MLIP: variants seen among roughly 807,000 people sequenced by gnomAD.
The protein encoded by MLIP is muscular LMNA-interacting protein.
A neutral mutation model predicts 84.8 loss-of-function variants in MLIP; 79 were observed. The ratio of observed to expected loss-of-function variants is 0.93; its 90% CI spans 0.78 to 1.12. The LOEUF (loss-of-function observed/expected upper bound fraction) is 1.12. MLIP is among the 50% of genes most tolerant of loss of function. The pLI, the probability that MLIP is intolerant of heterozygous loss-of-function variation, is 0.00. For missense variants in MLIP, 1,257 were observed against 1,160.6 expected, an observed-to-expected ratio of 1.08 and a Z score of -1.21; for synonymous variants, 504 against 463.0, an observed-to-expected ratio of 1.09 and a Z score of -1.14.
intron 3 of MLIP, among the ~76,000 whole-genome samples, chr6:54,128,057 A>G (rs1369068871): frequency 1.3e-5 from 2 of 152,188 alleles, no homozygotes; most frequent in African/African-American, 4.8e-5. Context: ...AATTAGCTGA[A>G]CTTGTTCATT....
At chr6:54,242,694 A>T (rs185434315) in intron 12 of MLIP, among the ~76,000 whole-genome samples, 4 of 152,300 alleles carry the variant, frequency 2.6e-5, no homozygotes, top group Admixed American at 2.6e-4. Context: ...TATGCTGTAA[A>T]TATTTAAATC....
intron 3 of MLIP, among the ~76,000 whole-genome samples, chr6:54,134,204 G>A (rs1336672385): frequency 6.6e-6 from 1 of 152,112 alleles, no homozygotes; most frequent in Non-Finnish European, 1.5e-5. Context: ...GCTACTGACT[G>A]AGAATTTGAC....
chr6:54,176,564 C>A (rs1776306875), intron 9 of MLIP, among the ~76,000 whole-genome samples: 1 of 151,334 alleles, frequency 6.6e-6, no homozygotes, highest in African/African-American at 2.4e-5. Flanking sequence ...CTTTAAATTT[C>A]TTTGGTTTTA....
chr6:54,227,974 G>C (rs1315375552), intron 11 of MLIP, among the ~76,000 whole-genome samples: 1 of 152,048 alleles, frequency 6.6e-6, no homozygotes, highest in African/African-American at 2.4e-5. Context: ...ATGAGGTCAG[G>C]AGATCGAGAT....
chr6:54,037,494 A>T (rs1187141071), intron 1 of MLIP, among the ~76,000 whole-genome samples: 2 of 151,882 alleles, frequency 1.3e-5, no homozygotes, highest in African/African-American at 4.8e-5. Context: ...AGGGAGAGAG[A>T]ATGAGATCTA....
chr6:54,235,708 T>G (rs1781314831), intron 12 of MLIP, among the ~76,000 whole-genome samples: 2 of 152,204 alleles, frequency 1.3e-5, no homozygotes, highest in Admixed American at 1.3e-4. Context: ...AACTTATGGA[T>G]TTACCAGTTT....
intron 2 of MLIP, among the ~76,000 whole-genome samples, chr6:54,121,975 C>T (rs1367435410): frequency 1.3e-5 from 2 of 152,050 alleles, no homozygotes; most frequent in African/African-American, 4.8e-5. Flanking sequence ...AATGAATTAG[C>T]AACATTAAAA....
intron 1 of MLIP, among the ~76,000 whole-genome samples, chr6:54,076,203 A>G (rs1766795276): frequency 6.6e-6 from 1 of 152,210 alleles, no homozygotes; most frequent in Non-Finnish European, 1.5e-5. Flanking sequence ...CGAAATCAAT[A>G]GATGTGCCAA....
intron 5 of MLIP, among the ~76,000 whole-genome samples, chr6:54,159,355 A>G (rs1471595178): frequency 6.6e-6 from 1 of 152,112 alleles, no homozygotes; most frequent in African/African-American, 2.4e-5. Context: ...AATTTGAATT[A>G]ATTTAAAATT....
In MLIP at chr6:54,059,169, C is replaced by T. The variant is rs576258277; in HGVS notation, c.63+40078C>T. ...CTACCTAGCTTGCATGCTTTCCTTC[C>T]TTCCCTTTCTTCCCCATATTCCTTT... On this transcript the variant is annotated intron_variant, in intron 1 of 12. Coordinates refer to the MLIP transcript ENST00000274897. Among the ~76,000 whole-genome samples the T allele has an allele frequency of 7.9e-5, 12 of 152,292 alleles. 1 individual carries two copies. In the South Asian group the frequency reaches 2.3e-3, roughly 29 times the overall value.
intron 9 of MLIP, among the ~76,000 whole-genome samples, chr6:54,171,061 T>C (rs1775723489): frequency 6.6e-6 from 1 of 151,580 alleles, no homozygotes; most frequent in Non-Finnish European, 1.5e-5. Flanking sequence ...CTAATTAGAT[T>C]AGTTTTCAAT....
chr6:54,241,595 T>C (rs1268645346), intron 12 of MLIP, among the ~76,000 whole-genome samples: 1 of 152,176 alleles, frequency 6.6e-6, no homozygotes, highest in Non-Finnish European at 1.5e-5. Flanking sequence ...TGATTTCCTT[T>C]TTTAAAAAAT....
chr6:54,161,190 G>A (rs1774603381), intron 8 of MLIP, among the ~76,000 whole-genome samples: 1 of 151,694 alleles, frequency 6.6e-6, no homozygotes, highest in Non-Finnish European at 1.5e-5. Context: ...GGAATTTATA[G>A]CCACTTAAAA....
intron 3 of MLIP, among the ~76,000 whole-genome samples, chr6:54,136,252 T>G (rs1398314528): frequency 6.6e-6 from 1 of 152,240 alleles, no homozygotes; most frequent in African/African-American, 2.4e-5. Flanking sequence ...ACTCTCAGAA[T>G]TTTAAACACT....
At chr6:54,076,468 T>C (rs1036374553) in intron 1 of MLIP, among the ~76,000 whole-genome samples, 13 of 152,196 alleles carry the variant, frequency 8.5e-5, no homozygotes. Flanking sequence ...ACCTATAATT[T>C]GGAAAGACTA....
intron 8 of MLIP, among the ~76,000 whole-genome samples, chr6:54,168,048 T>G (rs759615462): frequency 8.6e-5 from 13 of 151,918 alleles, no homozygotes; most frequent in Non-Finnish European, 1.8e-4. Flanking sequence ...CCAGTAACTA[T>G]TCACTTTCTT....
intron 1 of MLIP, among the ~76,000 whole-genome samples, chr6:54,075,652 T>A (rs1582082383): frequency 1.3e-5 from 2 of 152,324 alleles, no homozygotes; most frequent in East Asian, 3.9e-4. Flanking sequence ...CAAAGTGCTA[T>A]TTTTTCTAAC....
At chr6:54,118,100 A>G (rs1364092613) in intron 1 of MLIP, among the ~76,000 whole-genome samples, 1 of 152,222 alleles carries the variant, frequency 6.6e-6, no homozygotes, top group African/African-American at 2.4e-5. Flanking sequence ...CTAACACCCC[A>G]AGTGATCTAC....
chr6:54,131,275 T>C (rs816368), intron 3 of MLIP, among the ~76,000 whole-genome samples: 46,475 of 152,100 alleles, frequency 0.31, 7,394 homozygotes, highest in African/African-American at 0.37. Flanking sequence ...CAGAATTTAT[T>C]TCCTTGAGGC....
Sources: allele counts gnomAD v4.1 joint callset (sites outside exome capture counted in the v4.1 genomes callset), GRCh38; gene constraint gnomAD v4.1.1; transcripts MANE v1.5; gene names NCBI Gene and HGNC (gene_info 2026-07-23, HGNC 2026-07-21).